The following ZNF385D variants were observed in gnomAD, a reference collection of about 807,000 sequenced individuals.
The protein encoded by ZNF385D is zinc finger protein 385D, also known as zinc finger protein 659.
ZNF385D carries 15 observed loss-of-function variants against 35.8 expected under a neutral mutation model. That is an observed-to-expected ratio of 0.42 (90% CI 0.28 to 0.64). The LOEUF is 0.64. ZNF385D is among the 30% of genes least tolerant of loss of function. The pLI, the probability that ZNF385D is intolerant of heterozygous loss-of-function variation, is 0.23. For synonymous variants in ZNF385D, 212 were observed against 186.8 expected, an observed-to-expected ratio of 1.13 and a Z score of -1.10; for missense variants, 474 against 494.6, an observed-to-expected ratio of 0.96 and a Z score of 0.39.
At chr3:22,002,583 C>T (rs1225596053) in intron 3 of ZNF385D, among the ~76,000 whole-genome samples, 2 of 152,102 alleles carry the variant, frequency 1.3e-5, no homozygotes, top group African/African-American at 4.8e-5. Flanking sequence ...TTTTATGAGG[C>T]CAGCAGTATT....
intron 2 of ZNF385D, among the ~76,000 whole-genome samples, chr3:22,213,978 C>T (rs542738557): frequency 6.6e-6 from 1 of 152,106 alleles, no homozygotes; most frequent in South Asian, 2.1e-4. Context: ...CTATTCATCA[C>T]ACATGGGGTA....
intron 4 of ZNF385D, among the ~76,000 whole-genome samples, chr3:21,468,082 T>C (rs9874764): frequency 0.048 from 7,268 of 152,096 alleles, 571 homozygotes; most frequent in African/African-American, 0.16. Context: ...TCTAGGTATT[T>C]ACCAAAAAAT....
At chr3:22,021,173 G>C (rs1454634119) in intron 3 of ZNF385D, among the ~76,000 whole-genome samples, 1 of 151,704 alleles carries the variant, frequency 6.6e-6, no homozygotes, top group Non-Finnish European at 1.5e-5. Flanking sequence ...TTAGGTGATA[G>C]ATACTCTAAA....
intron 3 of ZNF385D, among the ~76,000 whole-genome samples, chr3:22,019,034 C>CTTTTTTTTTTTTTTTTTTTTTT (rs11380195): frequency 9.3e-5 from 6 of 64,460 alleles, no homozygotes; most frequent in Non-Finnish European, 1.4e-4. Flanking sequence ...AGTTATTTAC[C>CTTTTTTTTTTTTTTTTTTTTTT]TTTTTTTTTT....
At chr3:21,536,624 TAGATA>T (rs1398592349) in intron 3 of ZNF385D, among the ~76,000 whole-genome samples, 18 of 152,108 alleles carry the variant, frequency 1.2e-4, no homozygotes, top group Admixed American at 3.3e-4. Context: ...CTCTAATACT[TAGATA>T]AAACAGTGAA....
chr3:22,018,676 T>C (rs1411975752), intron 3 of ZNF385D, among the ~76,000 whole-genome samples: 1 of 152,006 alleles, frequency 6.6e-6, no homozygotes, highest in Non-Finnish European at 1.5e-5. Flanking sequence ...TCCTCTTTGT[T>C]ATGTTGACCT....
intron 3 of ZNF385D, among the ~76,000 whole-genome samples, chr3:21,529,164 T>C (rs1015458106): frequency 1.8e-4 from 28 of 152,172 alleles, no homozygotes; most frequent in African/African-American, 6.0e-4. Flanking sequence ...GCATAACTAG[T>C]TTCTCAAATG....
At chr3:21,826,269 C>A (rs1478807460) in intron 3 of ZNF385D, among the ~76,000 whole-genome samples, 1 of 152,106 alleles carries the variant, frequency 6.6e-6, no homozygotes, top group Non-Finnish European at 1.5e-5. Context: ...ATGGCTGGTA[C>A]GTAGGAGAGA....
At chr3:21,439,269 C>A (rs1304147850) in intron 4 of ZNF385D, among the ~76,000 whole-genome samples, 1 of 122,940 alleles carries the variant, frequency 8.1e-6, no homozygotes, top group African/African-American at 3.1e-5. Context: ...CCAAGCATTT[C>A]ATGGAACAAG....
chr3:22,145,635 T>C (rs1229791753), intron 3 of ZNF385D, among the ~76,000 whole-genome samples: 1 of 152,244 alleles, frequency 6.6e-6, no homozygotes, highest in Non-Finnish European at 1.5e-5. Context: ...TTTTGGGGTT[T>C]TGAGTTACAA....
At chr3:22,028,776 C>A (rs189740218) in intron 3 of ZNF385D, among the ~76,000 whole-genome samples, 182 of 152,304 alleles carry the variant, frequency 1.2e-3, no homozygotes, top group Non-Finnish European at 2.3e-3. Flanking sequence ...ATTCACTGGT[C>A]TTCCCATGTT....
chr3:21,693,882 CTTTT>C (rs555946193), intron 1 of ZNF385D, among the ~76,000 whole-genome samples: 5 of 118,394 alleles, frequency 4.2e-5, no homozygotes, highest in African/African-American at 6.2e-5. Flanking sequence ...CTTTTTTTTT[CTTTT>C]TTTTTTTTTT....
At chr3:21,953,262 C>CTTTTTT (rs35256658) in intron 3 of ZNF385D, among the ~76,000 whole-genome samples, 1 of 147,328 alleles carries the variant, frequency 6.8e-6, no homozygotes, top group Non-Finnish European at 1.5e-5. Context: ...CAGAATAAAA[C>CTTTTTT]TTTTTTTTTT....
At chr3:22,101,868 C>G (rs73822856) in intron 3 of ZNF385D, among the ~76,000 whole-genome samples, 2,638 of 151,716 alleles carry the variant, frequency 0.017, 85 homozygotes, top group African/African-American at 0.06. Flanking sequence ...TTTTCTGGTA[C>G]CAATGAGTAA....
intron 2 of ZNF385D, among the ~76,000 whole-genome samples, chr3:22,250,772 G>C (rs921901764): frequency 5.3e-5 from 8 of 152,054 alleles, no homozygotes; most frequent in African/African-American, 1.9e-4. Flanking sequence ...GTCATCAAGT[G>C]AGCAAAGGGC....
At chr3:21,946,562 T>TG (rs150152076) in intron 3 of ZNF385D, among the ~76,000 whole-genome samples, 19,908 of 152,120 alleles carry the variant, frequency 0.13, 1,477 homozygotes, top group Non-Finnish European at 0.16. Flanking sequence ...CCAAGCACAG[T>TG]GGCTCACACC....
chr3:21,537,448 C>T (rs2125551392), intron 3 of ZNF385D, among the ~76,000 whole-genome samples: 1 of 152,064 alleles, frequency 6.6e-6, no homozygotes, highest in Admixed American at 6.5e-5. Flanking sequence ...CCCGGCCCAA[C>T]ATTTTTTAAA....
chr3:21,758,838 C>T (rs909236397), intron 3 of ZNF385D, among the ~76,000 whole-genome samples: 2 of 151,778 alleles, frequency 1.3e-5, no homozygotes, highest in Non-Finnish European at 2.9e-5. Flanking sequence ...ACTGGCCTCT[C>T]ACTTTAAATG....
intron 3 of ZNF385D, among the ~76,000 whole-genome samples, chr3:21,880,714 G>C (rs1211843756): frequency 6.6e-6 from 1 of 151,924 alleles, no homozygotes; most frequent in Admixed American, 6.6e-5. Flanking sequence ...TAATGAAGAA[G>C]GCATGTCAAA....
Sources: gnomAD v4.1 joint callset for allele counts (sites outside exome capture counted in the v4.1 genomes callset) on GRCh38, gnomAD v4.1.1 for gene constraint, MANE v1.5 for transcripts, NCBI Gene and HGNC (gene_info 2026-07-23, HGNC 2026-07-21) for gene names.